Variants in PKIG observed in about 807,000 individuals in gnomAD.
PKIG encodes the protein protein kinase (cAMP-dependent, catalytic) inhibitor gamma.
In PKIG, 1 loss-of-function variant was observed where a neutral mutation model predicts 6.8. The observed-to-expected ratio is 0.15, with a 90% CI of 0.05 to 0.69. The LOEUF (loss-of-function observed/expected upper bound fraction) is 0.69. Ranked by LOEUF, PKIG falls within the 30% of genes least tolerant of loss-of-function variation. The pLI, the probability that PKIG is intolerant of heterozygous loss-of-function variation, is 0.82. For synonymous variants in PKIG, 39 were observed against 43.0 expected, an observed-to-expected ratio of 0.91 and a Z score of 0.36; for missense variants, 77 against 104.0, an observed-to-expected ratio of 0.74 and a Z score of 1.13.
chr20:44,536,920 G>GT (rs1185267930), intron 1 of PKIG, among the ~76,000 whole-genome samples: 4 of 151,950 alleles, frequency 2.6e-5, no homozygotes, highest in Non-Finnish European at 4.4e-5. Flanking sequence ...GTGTTTTTTT[G>GT]TTTTTTGTTT....
At chr20:44,588,933 A>G (rs1365434287) in intron 1 of PKIG, among the ~76,000 whole-genome samples, 1 of 152,218 alleles carries the variant, frequency 6.6e-6, no homozygotes, top group Non-Finnish European at 1.5e-5. Context: ...CCTCTTTAAA[A>G]GTTTTCAATC....
At chr20:44,587,533 C>T (rs1443757354) in intron 1 of PKIG, among the ~76,000 whole-genome samples, 1 of 152,102 alleles carries the variant, frequency 6.6e-6, no homozygotes, top group Non-Finnish European at 1.5e-5. Flanking sequence ...AACAGAGGGA[C>T]GGGTGACTTT....
intron 3 of PKIG, among the ~76,000 whole-genome samples, chr20:44,616,456 T>C (rs1305198852): frequency 6.6e-6 from 1 of 152,204 alleles, no homozygotes. Flanking sequence ...GGGCTCTCTC[T>C]CAAGGCTTCT....
chr20:44,575,649 G>A (rs752123161), intron 1 of PKIG, among the ~76,000 whole-genome samples: 1 of 152,202 alleles, frequency 6.6e-6, no homozygotes, highest in Non-Finnish European at 1.5e-5. Flanking sequence ...AGCAGGAGCA[G>A]CAGTTAGACT....
chr20:44,574,010 G>C (rs2064875253), intron 1 of PKIG, among the ~76,000 whole-genome samples: 1 of 152,124 alleles, frequency 6.6e-6, no homozygotes. Context: ...AAAGGCATCT[G>C]TCTCCTGCTT....
At chr20:44,573,430 CAGG>C (rs1180572136) in intron 1 of PKIG, among the ~76,000 whole-genome samples, 3 of 152,224 alleles carry the variant, frequency 2.0e-5, no homozygotes, top group Non-Finnish European at 4.4e-5. Context: ...GATTAAGGAT[CAGG>C]AGCCTGGATT....
At chr20:44,587,257 C>T (rs975992355) in intron 1 of PKIG, among the ~76,000 whole-genome samples, 4 of 152,230 alleles carry the variant, frequency 2.6e-5, no homozygotes, top group Non-Finnish European at 4.4e-5. Context: ...TGCTACAAAA[C>T]ACCAGACACT....
chr20:44,544,925 CTTTTTT>C (rs796482642), intron 1 of PKIG, among the ~76,000 whole-genome samples: 32 of 64,376 alleles, frequency 5.0e-4, no homozygotes, highest in African/African-American at 2.2e-3. Context: ...TTCCTTCTTT[CTTTTTT>C]TTTTTTTTTT....
At chr20:44,608,791 C>A (rs1033116349) in intron 2 of PKIG, among the ~76,000 whole-genome samples, 1 of 84,322 alleles carries the variant, frequency 1.2e-5, no homozygotes, top group African/African-American at 4.9e-5. Flanking sequence ...CACAGCGAGA[C>A]CCTGTCTCAA....
At chr20:44,609,384 C>G (rs1205856446) in intron 2 of PKIG, among the ~76,000 whole-genome samples, 2 of 152,192 alleles carry the variant, frequency 1.3e-5, no homozygotes, top group Non-Finnish European at 2.9e-5. Flanking sequence ...GTAATTCCAT[C>G]CCATGGTGTC....
chr20:44,547,587 C>G (rs1167690944), intron 1 of PKIG, among the ~76,000 whole-genome samples: 2 of 152,140 alleles, frequency 1.3e-5, no homozygotes, highest in African/African-American at 4.8e-5. Flanking sequence ...TGAGTACAGC[C>G]TAAGTGCTCC....
chr20:44,567,544 A>G (rs1396318421), intron 1 of PKIG, among the ~76,000 whole-genome samples: 1 of 151,856 alleles, frequency 6.6e-6, no homozygotes, highest in Non-Finnish European at 1.5e-5. Flanking sequence ...CATCTTGGCC[A>G]TTCCTATCAT....
rs1376126209 is a variant in PKIG at position 44,614,022 on chromosome 20, C to G, written c.-23-512C>G. Among the ~76,000 whole-genome samples, 1 of 152,208 alleles carries G rather than the reference C, an allele frequency of 6.6e-6. No individual in the cohort carries two copies. The highest frequency in any genetic ancestry group is 1.5e-5 in the Non-Finnish European group (1 of 68,036). On this transcript the variant is annotated intron_variant, in intron 2 of 3. Coordinates refer to ENST00000372886, the MANE Select transcript of PKIG (RefSeq NM_001281445.2). The surrounding 1 kb of genome is among the most constrained non-coding windows in gnomAD (Gnocchi z 4.6). ...TAGTGCTCTTCCCCTCACTCTTCATCTGCATGACGCCTCGTCCTCCTTGGT... is the reference window on the plus strand; with the variant it reads ...TAGTGCTCTTCCCCTCACTCTTCATGTGCATGACGCCTCGTCCTCCTTGGT...
chr20:44,562,514 A>G (rs2064775941), intron 1 of PKIG, among the ~76,000 whole-genome samples: 1 of 143,852 alleles, frequency 7.0e-6, no homozygotes, highest in South Asian at 2.4e-4. Context: ...AGGTGGGAGG[A>G]TGGCTTGAGT....
At chr20:44,543,920 C>T (rs2064586210) in intron 1 of PKIG, among the ~76,000 whole-genome samples, 1 of 151,896 alleles carries the variant, frequency 6.6e-6, no homozygotes, top group Non-Finnish European at 1.5e-5. Context: ...AAAAATTAGC[C>T]GTGTGTGATG....
chr20:44,594,505 C>T (rs1201857952), intron 2 of PKIG, among the ~76,000 whole-genome samples: 1 of 152,180 alleles, frequency 6.6e-6, no homozygotes, highest in Non-Finnish European at 1.5e-5. Flanking sequence ...AATTTCACAA[C>T]AACCCTAAGG....
chr20:44,548,131 A>G (rs917064863), intron 1 of PKIG, among the ~76,000 whole-genome samples: 1 of 152,276 alleles, frequency 6.6e-6, no homozygotes, highest in Admixed American at 6.5e-5. Context: ...GTGAGCCGAG[A>G]TCGCACAACT....
At position 44,582,618 on chromosome 20, in the gene PKIG, G is replaced by C. The variant is rs982765560; in HGVS notation, c.-207G>C. 2.6e-5 allele frequency: 4 copies of C among 152,372 alleles called. No individual in the cohort carries two copies. Among genetic ancestry groups the C allele is most frequent in the African/African-American group, 9.7e-5 (4 of 41,446 alleles). The allele number at this position is 152,372 out of a possible 1,614,324, so 9.4% of individuals were successfully genotyped here. On this transcript the variant is annotated 5_prime_UTR_variant, in exon 1 of 4. Transcript: ENST00000372886. Reference sequence around the variant, plus strand: ...GGGAAGAGACAGAGAGGAGGGTAAAGTGAGAATCCTGCCCGCACCACAGGT... The same window carrying C: ...GGGAAGAGACAGAGAGGAGGGTAAACTGAGAATCCTGCCCGCACCACAGGT...
intron 2 of PKIG, among the ~76,000 whole-genome samples, chr20:44,594,310 A>T (rs2065057833): frequency 6.6e-6 from 1 of 152,160 alleles, no homozygotes; most frequent in Non-Finnish European, 1.5e-5. Context: ...CTTACAAGTA[A>T]AGTATCATTG....
Sources: allele counts gnomAD v4.1 joint callset (sites outside exome capture counted in the v4.1 genomes callset), GRCh38; gene constraint gnomAD v4.1.1; non-coding constraint Gnocchi (gnomAD v3.1); transcripts MANE v1.5; gene names NCBI Gene and HGNC (gene_info 2026-07-23, HGNC 2026-07-21).